The following CEP85L variants were observed in gnomAD, a reference collection of about 807,000 sequenced individuals.
CEP85L encodes the protein centrosomal protein 85L.
In CEP85L, 60 loss-of-function variants were observed where a neutral mutation model predicts 100.3. The observed-to-expected ratio is 0.60, with a 90% CI of 0.49 to 0.74. The LOEUF (loss-of-function observed/expected upper bound fraction) is 0.74, where lower values mean the gene tolerates loss of function less well. CEP85L is among the 30% of genes least tolerant of loss of function. The pLI is 0.00. For synonymous variants in CEP85L, 319 were observed against 322.7 expected (o/e 0.99, Z 0.12); for missense variants, 973 against 936.2 (o/e 1.04, Z -0.51).
chr6:118,666,035 TG>T (rs1776123154), intron 1 of CEP85L, among the ~76,000 whole-genome samples: 1 of 152,178 alleles, frequency 6.6e-6, no homozygotes, highest in South Asian at 2.1e-4. Flanking sequence ...ATTTAACTTT[TG>T]GTAAAAGGTA....
At chr6:118,609,587 TC>T (rs1562306267) in intron 2 of CEP85L, among the ~76,000 whole-genome samples, 1 of 152,010 alleles carries the variant, frequency 6.6e-6, no homozygotes, top group Non-Finnish European at 1.5e-5. Context: ...ATATATTCCC[TC>T]CCTTTCAAGA....
intron 2 of CEP85L, among the ~76,000 whole-genome samples, chr6:118,582,367 G>A (rs988148237): frequency 3.3e-5 from 5 of 152,184 alleles, no homozygotes; most frequent in African/African-American, 4.8e-5. Flanking sequence ...ATCTCACATA[G>A]AGGGATGTTA....
intron 3 of CEP85L, chr6:118,537,465 T>C (rs1777659993): frequency 1.0e-6 from 1 of 962,512 alleles, no homozygotes; most frequent in Non-Finnish European, 1.2e-6. Context: ...TCTACCCTAA[T>C]GTAGGCATGT....
chr6:118,539,656 T>TA (rs148885686), intron 3 of CEP85L, among the ~76,000 whole-genome samples: 25,099 of 152,124 alleles, frequency 0.16, 2,221 homozygotes, highest in Non-Finnish European at 0.19. Context: ...CTTACATAGG[T>TA]AAACCTGTGC....
rs1335071259 is a variant in CEP85L, at chr6:118,523,882, G to C, written c.1059C>G (p.Gly353=). The part of the protein sequence containing the change: ...TGSSRQSYSP[G]YQDFSKWESM... ...ATTCCCACTTACTGAAATCCTGATA[G>C]CCAGGTGAATAACTTTGACGAGATG... The change falls in exon 4 of 13, where the codon GGC becomes GGG. Residue 353 remains glycine, a synonymous_variant. Transcript: ENST00000368491. The C allele has an allele frequency of 6.2e-7, 1 of 1,607,296 alleles. No homozygotes were observed. The highest frequency in any genetic ancestry group is 8.5e-7 in the Non-Finnish European group (1 of 1,175,274).
intron 1 of CEP85L, among the ~76,000 whole-genome samples, chr6:118,684,957 A>T (rs1776785308): frequency 6.6e-6 from 1 of 152,124 alleles, no homozygotes. Flanking sequence ...TGGCCCCTTT[A>T]AGCTGAATTT....
intron 1 of CEP85L, among the ~76,000 whole-genome samples, chr6:118,665,852 G>A (rs1776117008): frequency 6.6e-6 from 1 of 151,982 alleles, no homozygotes; most frequent in African/African-American, 2.4e-5. Flanking sequence ...TCCCTTCCTT[G>A]CCTCACATTC....
intron 5 of CEP85L, among the ~76,000 whole-genome samples, chr6:118,497,508 T>C (rs961586413): frequency 2.0e-5 from 3 of 152,194 alleles, no homozygotes; most frequent in Admixed American, 6.5e-5. Flanking sequence ...GTAATTATAA[T>C]AGAAATGAGG....
intron 1 of CEP85L, among the ~76,000 whole-genome samples, chr6:118,695,358 T>C (rs770898778): frequency 5.9e-5 from 9 of 152,270 alleles, no homozygotes; most frequent in East Asian, 3.9e-4. Context: ...CTTCCACAGC[T>C]TGGTTTTTAG....
chr6:118,489,854 T>C (rs1015264826), intron 6 of CEP85L, among the ~76,000 whole-genome samples: 2 of 152,166 alleles, frequency 1.3e-5, no homozygotes, highest in African/African-American at 4.8e-5. Context: ...CCTAGCAGTA[T>C]TCACAATAAC....
At chr6:118,625,743 G>A (rs912022400) in intron 2 of CEP85L, among the ~76,000 whole-genome samples, 2 of 152,142 alleles carry the variant, frequency 1.3e-5, no homozygotes, top group African/African-American at 4.8e-5. Flanking sequence ...CAGGACCCTG[G>A]AGTATATTTA....
rs768254089 is a variant in CEP85L at position 118,565,982 on chromosome 6, A to T, written c.567T>A (p.Ala189=). The change falls in exon 3 of 13, where the codon GCT becomes GCA. Residue 189 remains alanine (A), a synonymous_variant. Coordinates refer to ENST00000368491, the MANE Select transcript of CEP85L (RefSeq NM_001042475.3). ...SRNGLEKIGK[A]KALTSQLRTI... ...TCCTCAGTTGTGATGTTAAAGCCTT[A>T]GCCTTCCCTATCTTCTCCAAACCAT... 6.2e-7 allele frequency: 1 copy of T among 1,614,214 alleles called. No individual in the cohort carries two copies. The highest frequency in any genetic ancestry group is 8.5e-7 in the Non-Finnish European group (1 of 1,180,030).
intron 3 of CEP85L, among the ~76,000 whole-genome samples, chr6:118,556,887 A>G (rs1024674991): frequency 1.1e-4 from 17 of 152,216 alleles, no homozygotes; most frequent in Non-Finnish European, 2.1e-4. Flanking sequence ...TTTTCAGTCT[A>G]TATATAATTT....
intron 1 of CEP85L, among the ~76,000 whole-genome samples, chr6:118,677,155 G>A (rs991403850): frequency 1.3e-5 from 2 of 151,862 alleles, no homozygotes; most frequent in African/African-American, 4.8e-5. Flanking sequence ...ACCTCTTTGG[G>A]ACTCAAGTTC....
chr6:118,545,315 C>A (rs892632302), intron 3 of CEP85L, among the ~76,000 whole-genome samples: 1 of 152,114 alleles, frequency 6.6e-6, no homozygotes, highest in African/African-American at 2.4e-5. Flanking sequence ...TATAGCTGGG[C>A]GCGGTGGCTC....
In CEP85L at chr6:118,538,731, A is replaced by G. The variant is rs138879582; in HGVS notation, c.1021-14811T>C. On this transcript the variant is annotated intron_variant, in intron 3 of 12. Coordinates refer to ENST00000368491, the MANE Select transcript of CEP85L (RefSeq NM_001042475.3). ...GCAAATCAATTAGAAGATTAGGTAA[A>G]ACAAATGAAGCTTAAGTATTCAAAT... Among the ~76,000 whole-genome samples, 1,193 of 152,174 alleles carry G rather than the reference A, an allele frequency of 7.8e-3. 13 individuals are homozygous for G. The highest frequency in any genetic ancestry group is 0.027 in the African/African-American group (1,127 of 41,554).
chr6:118,631,176 T>C (rs1007939615), intron 2 of CEP85L, among the ~76,000 whole-genome samples: 1 of 152,156 alleles, frequency 6.6e-6, no homozygotes. Flanking sequence ...ACAAGAGATA[T>C]ACAGGAAATC....
chr6:118,578,005 C>A (rs1222184997), intron 2 of CEP85L, among the ~76,000 whole-genome samples: 1 of 152,038 alleles, frequency 6.6e-6, no homozygotes, highest in Non-Finnish European at 1.5e-5. Context: ...TCCTAAATGA[C>A]CAAGAGGAAC....
chr6:118,518,681 C>T (rs539826024), intron 4 of CEP85L, among the ~76,000 whole-genome samples: 157 of 152,240 alleles, frequency 1.0e-3, no homozygotes, highest in Non-Finnish European at 1.7e-3. Context: ...CAAAAAACCA[C>T]CTCCTGGATT....
Sources: gnomAD v4.1 joint callset for allele counts (sites outside exome capture counted in the v4.1 genomes callset) on GRCh38, gnomAD v4.1.1 for gene constraint, MANE v1.5 for transcripts, NCBI Gene and HGNC (gene_info 2026-07-23, HGNC 2026-07-21) for gene names.